OTOGL: variants seen among roughly 807,000 people sequenced by gnomAD.
OTOGL encodes the protein otogelin like.
OTOGL carries 285 observed loss-of-function variants against 318.5 expected under a neutral mutation model. The ratio of observed to expected loss-of-function variants is 0.89; its 90% confidence interval spans 0.81 to 0.99. OTOGL has a LOEUF of 0.99. Among genes scored for constraint, OTOGL ranks in the 50% least tolerant of loss-of-function variants. The pLI is 0.00. For missense variants in OTOGL, 2,899 were observed against 2,845.6 expected, an observed-to-expected ratio of 1.02 and a Z score of -0.43; for synonymous variants, 987 against 936.5, an observed-to-expected ratio of 1.05 and a Z score of -0.99.
At chr12:80,202,603 G>A (rs1308441686) in intron 1 of OTOGL, among the ~76,000 whole-genome samples, 1 of 151,954 alleles carries the variant, frequency 6.6e-6, no homozygotes, top group Non-Finnish European at 1.5e-5. Context: ...GGTTTTTCTG[G>A]GAAAATGTAC....
chr12:80,104,394 G>A (rs1198713455), intron 1 of OTOGL, among the ~76,000 whole-genome samples: 1 of 152,160 alleles, frequency 6.6e-6, no homozygotes, highest in Non-Finnish European at 1.5e-5. Context: ...TTTAAAAAAT[G>A]GATACTTAGG....
intron 11 of OTOGL, among the ~76,000 whole-genome samples, chr12:80,241,631 T>C (rs1039098053): frequency 6.6e-6 from 1 of 152,178 alleles, no homozygotes; most frequent in Non-Finnish European, 1.5e-5. Context: ...ATTTGTCAAG[T>C]AGTCTGAGAT....
At chr12:80,117,337 T>A (rs1019234765) in intron 1 of OTOGL, among the ~76,000 whole-genome samples, 6 of 152,222 alleles carry the variant, frequency 3.9e-5, no homozygotes, top group African/African-American at 1.4e-4. Flanking sequence ...TCATTAATTA[T>A]TTTTCCATTA....
intron 4 of OTOGL, among the ~76,000 whole-genome samples, chr12:80,215,263 T>G (rs11834031): frequency 6.7e-6 from 1 of 150,170 alleles, no homozygotes; most frequent in Non-Finnish European, 1.5e-5. Flanking sequence ...GCCTCCTGGG[T>G]TCAAGCTATT....
At chr12:80,328,933 T>A in intron 36 of OTOGL, 118 bp from the exon 37 acceptor site, 1 of 1,063,054 alleles carries the variant, frequency 9.4e-7, no homozygotes, top group African/African-American at 1.6e-5. Context: ...CACTAACATC[T>A]CTCCTGCATT....
chr12:80,326,084 G>C (rs2137860935), intron 35 of OTOGL, among the ~76,000 whole-genome samples: 1 of 152,192 alleles, frequency 6.6e-6, no homozygotes, highest in South Asian at 2.1e-4. Flanking sequence ...GTGCCAAAGT[G>C]GCTAATTATT....
At chr12:80,183,517 A>G (rs1875076542) in intron 1 of OTOGL, among the ~76,000 whole-genome samples, 1 of 152,196 alleles carries the variant, frequency 6.6e-6, no homozygotes, top group African/African-American at 2.4e-5. Flanking sequence ...AGTTCAATTT[A>G]GTTTCTGACA....
chr12:80,359,626 T>G (rs941031531), intron 52 of OTOGL, among the ~76,000 whole-genome samples: 1 of 152,212 alleles, frequency 6.6e-6, no homozygotes, highest in African/African-American at 2.4e-5. Context: ...ATGAGGTACT[T>G]TTTAAAGTAA....
intron 1 of OTOGL, among the ~76,000 whole-genome samples, chr12:80,100,488 T>A (rs562489868): frequency 1.2e-4 from 18 of 152,236 alleles, no homozygotes; most frequent in Non-Finnish European, 1.6e-4. Flanking sequence ...AATTAAAAAA[T>A]TTTTAAAAAT....
chr12:80,283,088 A>G (rs1228743296), intron 26 of OTOGL, among the ~76,000 whole-genome samples: 1 of 151,928 alleles, frequency 6.6e-6, no homozygotes, highest in Admixed American at 6.6e-5. Flanking sequence ...TCCACTTCTA[A>G]AATCTTAGCT....
chr12:80,325,165 A>G (rs1887598354), intron 35 of OTOGL, among the ~76,000 whole-genome samples: 1 of 152,190 alleles, frequency 6.6e-6, no homozygotes, highest in African/African-American at 2.4e-5. Context: ...AATGTTGCCA[A>G]TAGGTAAGAT....
chr12:80,374,908 C>G (rs981767478), intron 57 of OTOGL, among the ~76,000 whole-genome samples: 1 of 152,122 alleles, frequency 6.6e-6, no homozygotes, highest in African/African-American at 2.4e-5. Context: ...CACAACAGTT[C>G]TGGAAGGCAG....
intron 1 of OTOGL, among the ~76,000 whole-genome samples, chr12:80,138,206 G>C (rs987132672): frequency 2.0e-5 from 3 of 151,888 alleles, no homozygotes; most frequent in African/African-American, 7.3e-5. Flanking sequence ...TAGGGCAAAG[G>C]CTCCTTTCTT....
Position 80,303,141 on chromosome 12 carries a change from C to T in OTOGL, c.3213+358C>T, listed in dbSNP as rs1234676374. Among the ~76,000 whole-genome samples, 3 of 152,114 alleles carry T rather than the reference C, an allele frequency of 2.0e-5. No homozygotes were observed. The South Asian group carries it at 6.2e-4, about 31-fold the overall frequency. ...CTGGATATATATATTTTTAAGTTTA[C>T]ATGCAGTAAAATTATTATTATTTTT... On this transcript the variant is annotated intron_variant, in intron 28 of 58. Transcript: ENST00000547103.
chr12:80,270,983 C>A (rs1010005792), intron 23 of OTOGL, among the ~76,000 whole-genome samples: 4 of 152,090 alleles, frequency 2.6e-5, no homozygotes, highest in African/African-American at 9.7e-5. Context: ...TATTAAAGAG[C>A]TTTGAATTAC....
At chr12:80,335,189 G>A (rs556334448) in intron 38 of OTOGL, among the ~76,000 whole-genome samples, 3 of 152,198 alleles carry the variant, frequency 2.0e-5, no homozygotes, top group South Asian at 2.1e-4. Flanking sequence ...GTGGTCAAGA[G>A]CATAGATTCC....
intron 38 of OTOGL, among the ~76,000 whole-genome samples, chr12:80,335,407 G>A (rs1487455632): frequency 6.6e-6 from 1 of 151,916 alleles, no homozygotes; most frequent in Non-Finnish European, 1.5e-5. Flanking sequence ...TAATTTAAAT[G>A]GAATGTGATT....
chr12:80,336,880 C>A, intron 41 of OTOGL, 32 bp from the exon 42 acceptor site: 1 of 1,543,156 alleles, frequency 6.5e-7, no homozygotes, highest in Admixed American at 2.0e-5. Flanking sequence ...TTGTGTTTAA[C>A]TCCGTAAAGT....
At chr12:80,288,665 T>A (rs558767702) in intron 26 of OTOGL, among the ~76,000 whole-genome samples, 13 of 151,884 alleles carry the variant, frequency 8.6e-5, no homozygotes, top group Admixed American at 7.2e-4. Flanking sequence ...TCTGATATCC[T>A]TTCTTCTGCT....
Sources: gnomAD v4.1 joint callset for allele counts (sites outside exome capture counted in the v4.1 genomes callset) on GRCh38, gnomAD v4.1.1 for gene constraint, MANE v1.5 for transcripts, NCBI Gene and HGNC (gene_info 2026-07-23, HGNC 2026-07-21) for gene names.